The following SLC8A1 variants were observed in gnomAD, a reference collection of about 807,000 sequenced individuals.
The protein encoded by SLC8A1 is solute carrier family 8 member A1.
A neutral mutation model predicts 68.3 loss-of-function variants in SLC8A1; 18 were observed. That is an observed-to-expected ratio of 0.26 (90% CI 0.18 to 0.39). The LOEUF is 0.39. SLC8A1 is among the 10% of genes least tolerant of loss of function. The pLI is 1.00. For synonymous variants in SLC8A1, 475 were observed against 415.5 expected (o/e 1.14, Z -1.74); for missense variants, 985 against 1,156.7 (o/e 0.85, Z 2.15).
intron 7 of SLC8A1, among the ~76,000 whole-genome samples, chr2:40,117,596 T>C (rs973256380): frequency 1.4e-4 from 22 of 151,752 alleles, no homozygotes; most frequent in Non-Finnish European, 2.9e-4. Context: ...TAAAGTCCTT[T>C]CAGCTACCTT....
chr2:40,449,346 A>C (rs62149407), intron 1 of SLC8A1, among the ~76,000 whole-genome samples: 3,277 of 152,342 alleles, frequency 0.022, 49 homozygotes, highest in Non-Finnish European at 0.034. Flanking sequence ...AATAGATTGA[A>C]TACTAAGAGG....
At chr2:40,487,256 A>T (rs984943576) in intron 1 of SLC8A1, among the ~76,000 whole-genome samples, 1 of 152,112 alleles carries the variant, frequency 6.6e-6, no homozygotes, top group Non-Finnish European at 1.5e-5. Context: ...AAGATGTAGA[A>T]ATCCATACTT....
chr2:40,185,716 C>T (rs7602377), intron 2 of SLC8A1, among the ~76,000 whole-genome samples: 19,250 of 152,052 alleles, frequency 0.13, 1,329 homozygotes, highest in African/African-American at 0.16. Flanking sequence ...AAAAACCCAA[C>T]TAATTGTATA....
intron 1 of SLC8A1, among the ~76,000 whole-genome samples, chr2:40,433,126 C>A (rs983561871): frequency 2.6e-5 from 4 of 152,102 alleles, no homozygotes; most frequent in Non-Finnish European, 5.9e-5. Context: ...CACGTTTCAG[C>A]CAAAATGAAA....
intron 2 of SLC8A1, among the ~76,000 whole-genome samples, chr2:40,341,323 T>G (rs1203239367): frequency 6.6e-6 from 1 of 152,168 alleles, no homozygotes; most frequent in Non-Finnish European, 1.5e-5. Flanking sequence ...AGTAAATAAA[T>G]AAAGCAAATG....
intron 2 of SLC8A1, among the ~76,000 whole-genome samples, chr2:40,244,450 C>T (rs2061587739): frequency 6.6e-6 from 1 of 151,922 alleles, no homozygotes; most frequent in African/African-American, 2.4e-5. Context: ...ATAATGTCAC[C>T]CCAGGGGAAG....
intron 2 of SLC8A1, among the ~76,000 whole-genome samples, chr2:40,269,711 G>A (rs1031718212): frequency 1.3e-5 from 2 of 152,106 alleles, no homozygotes; most frequent in African/African-American, 2.4e-5. Context: ...GGTGGTCACT[G>A]TGCTCAGCAG....
intron 1 of SLC8A1, among the ~76,000 whole-genome samples, chr2:40,440,656 A>G (rs1181141089): frequency 6.6e-6 from 1 of 152,218 alleles, no homozygotes; most frequent in Non-Finnish European, 1.5e-5. Flanking sequence ...TGTCCATCAC[A>G]TAAACAGAAC....
At chr2:40,331,587 T>A (rs578007499) in intron 2 of SLC8A1, among the ~76,000 whole-genome samples, 211 of 152,150 alleles carry the variant, frequency 1.4e-3, no homozygotes, top group African/African-American at 4.9e-3. Context: ...ATTTATTTAT[T>A]TTATTTTATG....
At chr2:40,338,744 T>C (rs1666788544) in intron 2 of SLC8A1, among the ~76,000 whole-genome samples, 1 of 152,236 alleles carries the variant, frequency 6.6e-6, no homozygotes, top group Non-Finnish European at 1.5e-5. Flanking sequence ...TCTTCCATAA[T>C]TGGATTTTCT....
At chr2:40,345,607 G>A (rs1357028253) in intron 2 of SLC8A1, among the ~76,000 whole-genome samples, 1 of 152,084 alleles carries the variant, frequency 6.6e-6, no homozygotes, top group Non-Finnish European at 1.5e-5. Flanking sequence ...CTGACTATGA[G>A]CCAATATACT....
chr2:40,336,314 C>T (rs180986162), intron 2 of SLC8A1, among the ~76,000 whole-genome samples: 10 of 152,266 alleles, frequency 6.6e-5, no homozygotes, highest in Admixed American at 5.2e-4. Context: ...ATCTTATACA[C>T]TCAAATGAGT....
intron 2 of SLC8A1, among the ~76,000 whole-genome samples, chr2:40,311,963 G>C (rs960725955): frequency 6.6e-6 from 1 of 151,942 alleles, no homozygotes. Context: ...AAATGTTTGG[G>C]GACTTGACCT....
At chr2:40,456,527 G>C (rs895866527), upstream of SLC8A1, among the ~76,000 whole-genome samples, 20 of 152,152 alleles carry the variant, frequency 1.3e-4, no homozygotes, top group Non-Finnish European at 2.4e-4. Context: ...AGGCTTTAGA[G>C]TCAGAATATC....
At chr2:40,355,467 G>T (rs1343162150) in intron 2 of SLC8A1, among the ~76,000 whole-genome samples, 1 of 152,112 alleles carries the variant, frequency 6.6e-6, no homozygotes, top group Admixed American at 6.6e-5. Context: ...GGCACTGTTG[G>T]AGGGGTGGGA....
intron 2 of SLC8A1, among the ~76,000 whole-genome samples, chr2:40,311,458 G>C (rs909129830): frequency 3.3e-5 from 5 of 151,964 alleles, no homozygotes; most frequent in Non-Finnish European, 5.9e-5. Context: ...GAAAATCGAA[G>C]GCATTAATAT....
chr2:40,509,133 A>C (rs1706544973), intron 1 of SLC8A1, among the ~76,000 whole-genome samples: 1 of 152,174 alleles, frequency 6.6e-6, no homozygotes, highest in South Asian at 2.1e-4. Context: ...ATTTTCTTCC[A>C]ATACCTTGTC....
chr2:40,396,853 G>A (rs927279976), intron 2 of SLC8A1, among the ~76,000 whole-genome samples: 2 of 149,194 alleles, frequency 1.3e-5, no homozygotes, highest in South Asian at 2.2e-4. Flanking sequence ...CAGTGATAAT[G>A]ACCTGACTTT....
chr2:40,187,659 G>A (rs78703291), intron 2 of SLC8A1, among the ~76,000 whole-genome samples: 1 of 118,762 alleles, frequency 8.4e-6, no homozygotes, highest in Non-Finnish European at 1.8e-5. Flanking sequence ...GCAATCAATT[G>A]TCAGTGTCAG....
Sources: gnomAD v4.1 joint callset for allele counts (sites outside exome capture counted in the v4.1 genomes callset) on GRCh38, gnomAD v4.1.1 for gene constraint, MANE v1.5 for transcripts, NCBI Gene and HGNC (gene_info 2026-07-23, HGNC 2026-07-21) for gene names.